Variants in MEGF10 observed in about 807,000 individuals in gnomAD.
MEGF10 encodes multiple EGF like domains 10.
A neutral mutation model predicts 147.5 loss-of-function variants in MEGF10; 86 were observed. That is an observed-to-expected ratio of 0.58 (90% CI 0.49 to 0.70). The LOEUF is 0.70. MEGF10 is among the 30% of genes least tolerant of loss of function. MEGF10 has a pLI of 0.00. For missense variants in MEGF10, 1,329 were observed against 1,487.3 expected (o/e 0.89, Z 1.75); for synonymous variants, 478 against 525.5 (o/e 0.91, Z 1.24).
chr5:127,422,836 T>A, intron 13 of MEGF10, 64 bp downstream of exon 13: 1 of 1,200,704 alleles, frequency 8.3e-7, no homozygotes, highest in Non-Finnish European at 1.2e-6. Flanking sequence ...GTGCTGTTCC[T>A]TATCACTTCA....
chr5:127,322,051 A>C (rs1580710668), intron 1 of MEGF10, among the ~76,000 whole-genome samples: 1 of 149,110 alleles, frequency 6.7e-6, no homozygotes, highest in Non-Finnish European at 1.5e-5. Flanking sequence ...GAAATCTTTC[A>C]GCTTCTTCAA....
At chr5:127,312,092 G>A (rs867807948) in intron 1 of MEGF10, among the ~76,000 whole-genome samples, 1 of 152,238 alleles carries the variant, frequency 6.6e-6, no homozygotes, top group Non-Finnish European at 1.5e-5. Flanking sequence ...ACCTCGTCTC[G>A]CCTTGCTCCT....
At chr5:127,425,374 C>T (rs1371878190) in intron 13 of MEGF10, among the ~76,000 whole-genome samples, 1 of 152,156 alleles carries the variant, frequency 6.6e-6, no homozygotes, top group Non-Finnish European at 1.5e-5. Context: ...TTGCTTGTTG[C>T]CTACCATCTC....
At chr5:127,297,792 A>G (rs1759574964) in intron 1 of MEGF10, among the ~76,000 whole-genome samples, 1 of 152,180 alleles carries the variant, frequency 6.6e-6, no homozygotes, top group Non-Finnish European at 1.5e-5. Context: ...TAGAAACTAG[A>G]TGGGATTAGG....
At chr5:127,229,931 T>C in the MEGF10 span, 1 of 152,090 alleles carries the variant, frequency 6.6e-6, no homozygotes, top group Non-Finnish European at 1.5e-5. Flanking sequence ...GAGAATTCTG[T>C]TTTTTTGGCT....
intron 1 of MEGF10, among the ~76,000 whole-genome samples, chr5:127,317,816 G>A (rs372436001): frequency 2.7e-4 from 41 of 152,166 alleles, no homozygotes; most frequent in Middle Eastern, 6.8e-3. Context: ...TGAGTTAATG[G>A]GTGCAGCAAA....
At position 127,324,975 on chromosome 5, in the gene MEGF10, G is replaced by A. The variant is rs761553100; in HGVS notation, c.-18-6316G>A. Reference sequence around the variant, plus strand: ...CTGAGGGCTGGTCACAGGCATTGTCGCCATCAGCCAGGCCTGTTCGTATAT... The same window carrying A: ...CTGAGGGCTGGTCACAGGCATTGTCACCATCAGCCAGGCCTGTTCGTATAT... On this transcript the variant is annotated intron_variant, in intron 1 of 24. Coordinates refer to ENST00000503335, the MANE Select transcript of MEGF10 (RefSeq NM_001256545.2). Among the ~76,000 whole-genome samples, 11 of 152,210 alleles carry A rather than the reference G, an allele frequency of 7.2e-5. 1 individual carries two copies. Among genetic ancestry groups the A allele is most frequent in the East Asian group, 1.9e-4 (1 of 5,168 alleles).
intron 13 of MEGF10, among the ~76,000 whole-genome samples, chr5:127,428,424 C>G (rs752065724): frequency 6.6e-6 from 1 of 152,072 alleles, no homozygotes; most frequent in Non-Finnish European, 1.5e-5. Context: ...TCAGGACAGT[C>G]GCTCTATCAG....
chr5:127,405,537 A>G (rs1441887830), intron 8 of MEGF10, among the ~76,000 whole-genome samples: 1 of 152,168 alleles, frequency 6.6e-6, no homozygotes, highest in African/African-American at 2.4e-5. Flanking sequence ...ATTTAGTTAT[A>G]CTATCATATC....
chr5:127,233,333 C>A, the MEGF10 span, among the ~76,000 whole-genome samples: 1 of 152,184 alleles, frequency 6.6e-6, no homozygotes, highest in Admixed American at 6.5e-5. Context: ...GGCAGTAGGG[C>A]AGTCTCCTTC....
chr5:127,344,820 C>A (rs901276115), intron 4 of MEGF10, among the ~76,000 whole-genome samples: 1 of 152,162 alleles, frequency 6.6e-6, no homozygotes, highest in Non-Finnish European at 1.5e-5. Context: ...CTTACACATG[C>A]GGTGATTCTG....
At chr5:127,428,579 C>A (rs1443436212) in intron 13 of MEGF10, among the ~76,000 whole-genome samples, 1 of 152,210 alleles carries the variant, frequency 6.6e-6, no homozygotes, top group Non-Finnish European at 1.5e-5. Flanking sequence ...AGTGTTGTGA[C>A]TAAATACTAT....
chr5:127,416,344 G>A (rs1018363086), intron 9 of MEGF10, among the ~76,000 whole-genome samples: 3 of 152,072 alleles, frequency 2.0e-5, no homozygotes, highest in African/African-American at 7.2e-5. Flanking sequence ...CTCAGTTTTT[G>A]ACATGTTAAG....
chr5:127,287,469 CA>C (rs1348626140), upstream of MEGF10, among the ~76,000 whole-genome samples: 2 of 151,830 alleles, frequency 1.3e-5, no homozygotes, highest in African/African-American at 4.8e-5. Flanking sequence ...AACAAGAACT[CA>C]AAAATAATTC....
the MEGF10 span, among the ~76,000 whole-genome samples, chr5:127,262,483 G>A: frequency 9.9e-5 from 15 of 152,158 alleles, no homozygotes; most frequent in African/African-American, 3.6e-4. Context: ...CAAGGGTGGG[G>A]ACCAACCCGC....
At chr5:127,302,217 C>A (rs924030213) in intron 1 of MEGF10, among the ~76,000 whole-genome samples, 2 of 152,168 alleles carry the variant, frequency 1.3e-5, no homozygotes, top group Admixed American at 6.5e-5. Flanking sequence ...TGGAAACAAC[C>A]CAAATGTCTA....
rs1259915274 is a variant in MEGF10 at position 127,290,875 on chromosome 5, C to A, written c.-200C>A. The A allele has an allele frequency of 1.3e-5, 2 of 152,304 alleles. No homozygotes were observed. Among genetic ancestry groups the A allele is most frequent in the East Asian group, 1.9e-4 (1 of 5,172 alleles). 9.4% of individuals were successfully genotyped at this position (152,304 alleles called of 1,614,324 possible). On this transcript the variant is annotated 5_prime_UTR_variant, in exon 1 of 25. Coordinates refer to ENST00000503335, the MANE Select transcript of MEGF10 (RefSeq NM_001256545.2). ...CTGGGCGACTGGGAACGCGTTGAGA[C>A]GTTCCTCTTTCCCGCTTCTCCACCT...
intron 5 of MEGF10, among the ~76,000 whole-genome samples, chr5:127,391,102 GCACACACACA>G (rs70997334): frequency 0.024 from 1,274 of 53,876 alleles, 41 homozygotes; most frequent in East Asian, 0.12. Flanking sequence ...GCGCGCGCGC[GCACACACACA>G]CACACACACA....
At chr5:127,398,908 T>C in intron 7 of MEGF10, 112 bp downstream of exon 7, 1 of 1,436,806 alleles carries the variant, frequency 7.0e-7, no homozygotes. Flanking sequence ...CCATGATGGT[T>C]GAAGATTCCA....
Sources: allele counts gnomAD v4.1 joint callset (sites outside exome capture counted in the v4.1 genomes callset), GRCh38; gene constraint gnomAD v4.1.1; transcripts MANE v1.5; gene names NCBI Gene and HGNC (gene_info 2026-07-23, HGNC 2026-07-21).